The following ASPG variants were observed in gnomAD, a reference collection of about 807,000 sequenced individuals.
The protein encoded by ASPG is asparaginase.
Under a neutral mutation model 63.2 loss-of-function variants are expected in ASPG, and 53 were observed. The observed-to-expected ratio is 0.84, with a 90% CI of 0.67 to 1.05. ASPG has a LOEUF of 1.05. ASPG is among the 50% of genes least tolerant of loss of function. The pLI is 0.00. For missense variants in ASPG, 741 were observed against 794.4 expected (o/e 0.93, Z 0.81); for synonymous variants, 370 against 355.0 (o/e 1.04, Z -0.48).
Position 104,107,164 on chromosome 14 carries a change from G to C in ASPG, c.1270-18G>C. The stretch of plus-strand genomic sequence containing the variant: ...CCTGGGTCTCCCTCAGGGGTCGCAT[G>C]TCCTTGTGTTACTCCAGGGCAGTGA... On this transcript the variant is annotated intron_variant, in intron 11 of 15. Coordinates refer to ENST00000551177, the MANE Select transcript of ASPG (RefSeq NM_001080464.3). 6.5e-7 allele frequency: 1 copy of C among 1,541,596 alleles called. No homozygotes were observed. The highest frequency in any genetic ancestry group is 1.2e-5 in the South Asian group (1 of 80,034).
intron 1 of ASPG, among the ~76,000 whole-genome samples, chr14:104,087,265 T>C (rs566289353): frequency 1.3e-5 from 2 of 152,358 alleles, no homozygotes; most frequent in East Asian, 3.9e-4. Flanking sequence ...ATTCACAGCT[T>C]GGCAAACGCC....
intron 9 of ASPG, chr14:104,105,069 C>T: frequency 1.7e-6 from 1 of 603,994 alleles, no homozygotes; most frequent in Non-Finnish European, 2.9e-6. Flanking sequence ...CAGCTGGCCC[C>T]AGACCCTTGG....
In ASPG at chr14:104,114,078, C is replaced by G. The variant is rs567302236; in HGVS notation, c.*1534C>G. 1 of 152,306 alleles carries G rather than the reference C, an allele frequency of 6.6e-6. No homozygotes were observed. Among genetic ancestry groups the G allele is most frequent in the Non-Finnish European group, 1.5e-5 (1 of 68,086 alleles). 9.4% of individuals were successfully genotyped at this position (152,306 alleles called of 1,614,324 possible). A position where few individuals can be genotyped will look rare whatever the true frequency, so the allele number is the denominator to read the frequency against. On this transcript the variant is annotated 3_prime_UTR_variant, in exon 16 of 16. Coordinates refer to ENST00000551177, the MANE Select transcript of ASPG (RefSeq NM_001080464.3). ...CACACGGCAGTGCCCACCTGCTTCC[C>G]TCAGCTCCTGAGGGGCTGGGCAGAG...
intron 2 of ASPG, 103 bp downstream of exon 2, chr14:104,092,844 ACC>A: frequency 2.1e-6 from 2 of 957,770 alleles, no homozygotes; most frequent in Non-Finnish European, 1.6e-6. Flanking sequence ...CCATTTGCTC[ACC>A]CCTGTCTCTA....
At chr14:104,108,005 T>G (rs1284911542) in intron 12 of ASPG, among the ~76,000 whole-genome samples, 1 of 152,084 alleles carries the variant, frequency 6.6e-6, no homozygotes, top group African/African-American at 2.4e-5. Flanking sequence ...TGCAGGACCC[T>G]GGGTTCTTTT....
intron 3 of ASPG, among the ~76,000 whole-genome samples, chr14:104,094,748 A>G (rs982247768): frequency 1.3e-5 from 2 of 152,194 alleles, no homozygotes; most frequent in African/African-American, 4.8e-5. Flanking sequence ...TCCTTGCTGC[A>G]GGGAGCAGCC....
intron 6 of ASPG, among the ~76,000 whole-genome samples, chr14:104,100,077 G>A (rs74573405): frequency 2.0e-5 from 3 of 152,308 alleles, no homozygotes; most frequent in South Asian, 2.1e-4. Flanking sequence ...CTCCCGGTGC[G>A]GCAGAGGCTC....
Position 104,104,384 on chromosome 14 carries a change from CCTG to C in ASPG, c.839_841del (p.Leu280del). ...CAGGGAACGGACCCACCAAGCCCGA[CCTG>C]CTGCAGGAGCTGCGGGTGGCCACCG... On this transcript the variant is annotated inframe_deletion, in exon 8 of 16. Coordinates refer to ENST00000551177, the MANE Select transcript of ASPG (RefSeq NM_001080464.3). The C allele has an allele frequency of 6.2e-7, 1 of 1,612,670 alleles. No individual in the cohort carries two copies. The highest frequency in any genetic ancestry group is 8.5e-7 in the Non-Finnish European group (1 of 1,179,820).
At chr14:104,103,192 C>A (rs565801131) in intron 6 of ASPG, among the ~76,000 whole-genome samples, 1 of 152,258 alleles carries the variant, frequency 6.6e-6, no homozygotes, top group East Asian at 1.9e-4. Flanking sequence ...CGCCCCCATG[C>A]GGCCTGCAAG....
chr14:104,111,430 G>C (rs1355555619), intron 13 of ASPG, 72 bp from the exon 14 acceptor site: 1 of 1,345,042 alleles, frequency 7.4e-7, no homozygotes, highest in African/African-American at 1.5e-5. Flanking sequence ...GGCCACCTGG[G>C]GGACAGGCAC....
At chr14:104,086,511 G>A (rs1230297165) in intron 1 of ASPG, among the ~76,000 whole-genome samples, 4 of 152,174 alleles carry the variant, frequency 2.6e-5, no homozygotes, top group African/African-American at 9.7e-5. Context: ...TGGTACTCCA[G>A]CACAGTGCTG....
chr14:104,100,975 C>T (rs1034527975), intron 6 of ASPG, among the ~76,000 whole-genome samples: 46 of 152,230 alleles, frequency 3.0e-4, no homozygotes, highest in African/African-American at 8.0e-4. Flanking sequence ...CACAGAGGAC[C>T]GTGCTCTGGA....
Position 104,107,429 on chromosome 14 carries a change from G to A in ASPG, c.1433+84G>A, listed in dbSNP as rs938775401. On this transcript the variant is annotated intron_variant, in intron 12 of 15. Coordinates refer to ENST00000551177, the MANE Select transcript of ASPG (RefSeq NM_001080464.3). ...GGCTCCTGCACTCAAACAGCCTCCC[G>A]GGGCTGGGCTGGGAGAGGTGGAGGA... 4.4e-5 allele frequency: 56 copies of A among 1,276,222 alleles called. No individual in the cohort carries two copies. In the East Asian group the frequency reaches 6.7e-4, roughly 15 times the overall value. 79.1% of individuals were successfully genotyped at this position (1,276,222 alleles called of 1,614,324 possible). A position where few individuals can be genotyped will look rare whatever the true frequency, so the allele number is the denominator to read the frequency against.
chr14:104,098,805 G>A (rs373578610), intron 5 of ASPG, 48 bp from the exon 6 acceptor site: 39 of 1,596,558 alleles, frequency 2.4e-5, no homozygotes, highest in Middle Eastern at 1.7e-4. Flanking sequence ...CAGATGGGTC[G>A]GGGACAGGGT....
rs369051062 is a variant in ASPG at position 104,104,411 on chromosome 14, C to G, written c.861C>G (p.Thr287=). 2 of 1,612,476 alleles carry G rather than the reference C, an allele frequency of 1.2e-6. No individual in the cohort carries two copies. Among genetic ancestry groups the G allele is most frequent in the Admixed American group, 1.7e-5 (1 of 59,994 alleles). The change falls in exon 8 of 16, where the codon ACC becomes ACG. Residue 287 remains threonine, a synonymous_variant. Coordinates refer to ENST00000551177, the MANE Select transcript of ASPG (RefSeq NM_001080464.3). ...PDLLQELRVA[T]ERGLVIVNCT... is the part of the protein sequence containing the mutation. ...TGCTGCAGGAGCTGCGGGTGGCCAC[C>G]GAGCGCGGCCTGGTCATCGTCAACT...
rs1452888494 is a variant in ASPG, at chr14:104,095,617, G to A, written c.390G>A (p.Leu130=). 7 of 1,613,010 alleles carry A rather than the reference G, an allele frequency of 4.3e-6. No homozygotes were observed. In the East Asian group the frequency reaches 1.1e-4, roughly 26 times the overall value. Residue 130 remains leucine, a synonymous_variant, in exon 4 of 16, where the codon CTG becomes CTA. Coordinates refer to ENST00000551177, the MANE Select transcript of ASPG (RefSeq NM_001080464.3). The stretch of plus-strand genomic sequence containing the variant: ...CTGCCTCGATGCTGTCCTTCATGCT[G>A]GAGAACCTGCAGAAGACTGTCATCC... ...AFAASMLSFM[L]ENLQKTVILT... is the part of the protein sequence containing the mutation.
chr14:104,099,475 TAGG>T (rs2036775401), intron 6 of ASPG, among the ~76,000 whole-genome samples: 1 of 152,156 alleles, frequency 6.6e-6, no homozygotes. Flanking sequence ...GCCCTGGCTG[TAGG>T]AGCAGCCTTG....
chr14:104,090,970 A>C (rs1770985), intron 1 of ASPG, among the ~76,000 whole-genome samples: 23,087 of 152,008 alleles, frequency 0.15, 2,449 homozygotes, highest in East Asian at 0.36. Context: ...GATTCAAGTG[A>C]TTCTCCCGCC....
chr14:104,104,315 C>G lies in ASPG; in HGVS notation c.765C>G (p.Phe255Leu). The change falls in exon 8 of 16, where the codon TTC becomes TTG. Residue 255 changes from phenylalanine (F) to leucine (L), a missense_variant. Coordinates refer to ENST00000551177, the MANE Select transcript of ASPG (RefSeq NM_001080464.3). ...CCACCGCCCCACAGGTTCGGGCCTTCTTGCAGCCTCCCCTGAAGGGCGTGG... is the reference window on the plus strand; with the variant it reads ...CCACCGCCCCACAGGTTCGGGCCTTGTTGCAGCCTCCCCTGAAGGGCGTGG... Reference protein sequence around the residue: ...PGIPAALVRAFLQPPLKGVVM... With the variant: ...PGIPAALVRALLQPPLKGVVM... 1 of 1,611,700 alleles carries G rather than the reference C, an allele frequency of 6.2e-7. No individual in the cohort carries two copies. Among genetic ancestry groups the G allele is most frequent in the Non-Finnish European group, 8.5e-7 (1 of 1,179,162 alleles).
Sources: allele counts gnomAD v4.1 joint callset (sites outside exome capture counted in the v4.1 genomes callset), GRCh38; gene constraint gnomAD v4.1.1; transcripts MANE v1.5; gene names NCBI Gene and HGNC (gene_info 2026-07-23, HGNC 2026-07-21).